Variants in INO80D observed in about 807,000 individuals in gnomAD.
INO80D encodes INO80 complex subunit D.
A neutral mutation model predicts 87.6 loss-of-function variants in INO80D; 21 were observed. The ratio of observed to expected loss-of-function variants is 0.24; its 90% CI spans 0.17 to 0.35. The LOEUF (loss-of-function observed/expected upper bound fraction) is 0.35. INO80D is among the 10% of genes least tolerant of loss of function. The probability of loss-of-function intolerance (pLI) is 1.00; values close to 1 mark genes in which losing one functional copy is unlikely to be tolerated. For missense variants in INO80D, 982 were observed against 1,280.7 expected (o/e 0.77, Z 3.56); for synonymous variants, 440 against 491.0 (o/e 0.90, Z 1.37).
At chr2:206,053,842 A>ATTT (rs199765299) in intron 4 of INO80D, among the ~76,000 whole-genome samples, 4 of 146,996 alleles carry the variant, frequency 2.7e-5, no homozygotes, top group African/African-American at 5.0e-5. Flanking sequence ...AAGATACAGA[A>ATTT]TTTTTTTTTT....
intron 9 of INO80D, among the ~76,000 whole-genome samples, chr2:206,008,809 G>T (rs976126898): frequency 7.2e-5 from 11 of 152,150 alleles, no homozygotes; most frequent in African/African-American, 2.7e-4. Context: ...TATCAAGTGT[G>T]TCTTAATGCT....
In INO80D at chr2:205,996,074, A is replaced by G. The variant is rs1687802200; in HGVS notation, c.*8294T>C. The G allele has an allele frequency of 6.6e-6, 1 of 152,124 alleles. No individual in the cohort carries two copies. Among genetic ancestry groups the G allele is most frequent in the African/African-American group, 2.4e-5 (1 of 41,460 alleles). 9.4% of individuals were successfully genotyped at this position (152,124 alleles called of 1,614,324 possible). A position where few individuals can be genotyped will look rare whatever the true frequency, so the allele number is the denominator to read the frequency against. On this transcript the variant is annotated 3_prime_UTR_variant, in exon 11 of 11. Transcript: ENST00000403263. Reference sequence around the variant, plus strand: ...TTGTAATTTAAGTAAAATGTCCCCAAATTATTGAGCTAAAACTTTCAAATT... The same window carrying G: ...TTGTAATTTAAGTAAAATGTCCCCAGATTATTGAGCTAAAACTTTCAAATT...
intron 8 of INO80D, among the ~76,000 whole-genome samples, chr2:206,010,396 C>T (rs1438840603): frequency 6.6e-6 from 1 of 151,736 alleles, no homozygotes; most frequent in Non-Finnish European, 1.5e-5. Context: ...ACAGCCAAAA[C>T]CAGGAACAGT....
chr2:206,018,189 G>A (rs911674977), intron 7 of INO80D, among the ~76,000 whole-genome samples: 9 of 152,176 alleles, frequency 5.9e-5, no homozygotes, highest in African/African-American at 1.9e-4. Context: ...TGCCCAGGCT[G>A]GAGTGCAATG....
intron 8 of INO80D, among the ~76,000 whole-genome samples, chr2:206,011,749 A>G (rs1233296380): frequency 3.9e-5 from 6 of 152,192 alleles, no homozygotes; most frequent in Non-Finnish European, 1.5e-5. Flanking sequence ...TTACTTACTG[A>G]GCATCTCTGT....
chr2:206,070,684 C>T (rs1257103324), intron 1 of INO80D, among the ~76,000 whole-genome samples: 3 of 151,920 alleles, frequency 2.0e-5, no homozygotes, highest in Non-Finnish European at 2.9e-5. Flanking sequence ...CACGCCACTG[C>T]ACTCCAGGCA....
rs146871844 is a variant in INO80D at position 206,011,977 on chromosome 2, G to A, written c.1543-2183C>T. On this transcript the variant is annotated intron_variant, in intron 8 of 10. Transcript: ENST00000403263. ...TGAGACAACACATGGTAACAAACCT[G>A]AATGAAAGGAAGGAGTGAGCAATGC... is the stretch of plus-strand genomic sequence containing the variant. Among the ~76,000 whole-genome samples, 330 of 152,336 alleles carry A rather than the reference G, an allele frequency of 2.2e-3. 2 individuals are homozygous for A. The highest frequency in any genetic ancestry group is 7.6e-3 in the African/African-American group (314 of 41,576).
At chr2:206,038,407 TAACA>T (rs1688946700) in intron 5 of INO80D, among the ~76,000 whole-genome samples, 1 of 152,242 alleles carries the variant, frequency 6.6e-6, no homozygotes, top group South Asian at 2.1e-4. Context: ...TTAGATACTC[TAACA>T]GAACTTGTTG....
At chr2:206,050,684 T>C (rs1689333637) in intron 4 of INO80D, among the ~76,000 whole-genome samples, 3 of 145,640 alleles carry the variant, frequency 2.1e-5, no homozygotes, top group Admixed American at 2.1e-4. Context: ...AATTGTTATA[T>C]TTCGCCGGGC....
chr2:206,056,132 G>A (rs1689510601), intron 4 of INO80D, 66 bp downstream of exon 4: 3 of 1,454,052 alleles, frequency 2.1e-6, no homozygotes, highest in Non-Finnish European at 2.8e-6. Flanking sequence ...TGAAAGGGAA[G>A]CTCCACACAA....
In INO80D at chr2:206,004,929, G is replaced by A; in HGVS notation, c.2523C>T (p.Asp841=). 5.0e-6 allele frequency: 8 copies of A among 1,614,022 alleles called. No individual in the cohort carries two copies. Among genetic ancestry groups the A allele is most frequent in the Non-Finnish European group, 6.8e-6 (8 of 1,179,888 alleles). ...ATGTTGTGTGGGGAGAGGTGATATG[G>A]TCACTGTAGGGAGACGGCACATGCT... ...DSEHVPSPYS[D]HITSPHTTSY... Residue 841 remains aspartate (D), a synonymous_variant, in exon 11 of 11, where the codon GAC becomes GAT. Coordinates refer to ENST00000403263, the MANE Select transcript of INO80D (RefSeq NM_017759.5). The surrounding 1 kb of genome is among the most constrained non-coding windows in gnomAD (Gnocchi z 4.9).
chr2:205,998,387 T>C lies in INO80D; in HGVS notation c.*5981A>G, dbSNP rs975464673. The C allele has an allele frequency of 2.1e-5, 3 of 142,992 alleles. No individual in the cohort carries two copies. Among genetic ancestry groups the C allele is most frequent in the African/African-American group, 7.9e-5 (3 of 38,028 alleles). The allele number at this position is 142,992 out of a possible 1,614,324, so 8.9% of individuals were successfully genotyped here. A position where few individuals can be genotyped will look rare whatever the true frequency, so the allele number is the denominator to read the frequency against. On this transcript the variant is annotated 3_prime_UTR_variant, in exon 11 of 11. Transcript: ENST00000403263. Reference sequence around the variant, plus strand: ...TATATATCTGCAAGGTAGCAAAGGATAGCTATACACCTTGACACGGCAGAG... The same window carrying C: ...TATATATCTGCAAGGTAGCAAAGGACAGCTATACACCTTGACACGGCAGAG...
chr2:206,031,628 C>T (rs1042949901), intron 5 of INO80D, among the ~76,000 whole-genome samples: 1 of 152,238 alleles, frequency 6.6e-6, no homozygotes, highest in African/African-American at 2.4e-5. Flanking sequence ...CCCCAGATGG[C>T]ACTTTACCCC....
chr2:206,074,671 G>A (rs146093122), intron 1 of INO80D, among the ~76,000 whole-genome samples: 175 of 152,342 alleles, frequency 1.1e-3, no homozygotes, highest in African/African-American at 4.1e-3. Context: ...TGGGCATGGC[G>A]GCTCACGCCT....
At chr2:206,082,426 T>C (rs927430637) in intron 1 of INO80D, among the ~76,000 whole-genome samples, 15 of 152,356 alleles carry the variant, frequency 9.8e-5, no homozygotes, top group East Asian at 7.7e-4. Context: ...AGGTTTTAAA[T>C]TGAGTATTTC....
rs1689426943 is a variant in INO80D, at chr2:206,053,394, C to G, written c.964+2804G>C. On this transcript the variant is annotated intron_variant, in intron 4 of 10. Transcript: ENST00000403263. ...ACAAAACAGCATGTATAGTAAGAGC[C>G]CAATTTTATATATTAGAAAGAATAT... Among the ~76,000 whole-genome samples the G allele has an allele frequency of 2.0e-5, 3 of 151,658 alleles. No homozygotes were observed. In the South Asian group the frequency reaches 6.3e-4, roughly 32 times the overall value.
chr2:206,050,467 G>T, intron 4 of INO80D, among the ~76,000 whole-genome samples: 1 of 141,764 alleles, frequency 7.1e-6, no homozygotes, highest in East Asian at 2.1e-4. Context: ...ATTGCAGCCT[G>T]GGTGACAGAG....
intron 4 of INO80D, among the ~76,000 whole-genome samples, chr2:206,049,346 G>A (rs1219854518): frequency 1.3e-5 from 2 of 152,112 alleles, no homozygotes; most frequent in Admixed American, 6.6e-5. Flanking sequence ...TTTGTAGGGG[G>A]AAAAGGTAAA....
At chr2:206,024,694 A>ATAGG (rs1688555164) in intron 6 of INO80D, among the ~76,000 whole-genome samples, 1 of 152,212 alleles carries the variant, frequency 6.6e-6, no homozygotes, top group South Asian at 2.1e-4. Flanking sequence ...AAACAGGTAT[A>ATAGG]TAAGTAATAT....
Sources: gnomAD v4.1 joint callset for allele counts (sites outside exome capture counted in the v4.1 genomes callset) on GRCh38, gnomAD v4.1.1 for gene constraint, Gnocchi (gnomAD v3.1) non-coding constraint, MANE v1.5 for transcripts, NCBI Gene and HGNC (gene_info 2026-07-23, HGNC 2026-07-21) for gene names.